Variants in GTF2F2 observed in about 807,000 individuals in gnomAD.
GTF2F2 encodes general transcription factor IIF subunit 2.
Under a neutral mutation model 42.2 loss-of-function variants are expected in GTF2F2, and 23 were observed. The ratio of observed to expected loss-of-function variants is 0.55; its 90% CI spans 0.39 to 0.77. The LOEUF is 0.77. Ranked by LOEUF, GTF2F2 falls within the 30% of genes least tolerant of loss-of-function variation. The pLI is 0.00. For synonymous variants in GTF2F2, 105 were observed against 100.8 expected (o/e 1.04, Z -0.25); for missense variants, 261 against 287.2 (o/e 0.91, Z 0.66).
intron 4 of GTF2F2, chr13:45,193,764 T>C (rs1593482891): frequency 6.5e-7 from 1 of 1,547,174 alleles, no homozygotes; most frequent in African/African-American, 1.4e-5. Flanking sequence ...GCATGCTTGT[T>C]GCCTTTGTTC....
chr13:45,173,807 T>C lies in GTF2F2; in HGVS notation c.304+21976T>C, dbSNP rs561239271. On this transcript the variant is annotated intron_variant, in intron 4 of 7. Coordinates refer to ENST00000340473, the MANE Select transcript of GTF2F2 (RefSeq NM_004128.3). ...TAATTTTTTGTATTTTTAGTAGAGA[T>C]GGGGTTTCACGGTGTTAGCCAGGAT... Among the ~76,000 whole-genome samples the C allele has an allele frequency of 1.6e-4, 25 of 151,758 alleles. No homozygotes were observed. In the South Asian group the frequency reaches 4.8e-3, roughly 29 times the overall value.
At chr13:45,274,939 C>G (rs2138273417) in intron 7 of GTF2F2, among the ~76,000 whole-genome samples, 1 of 151,866 alleles carries the variant, frequency 6.6e-6, no homozygotes, top group East Asian at 1.9e-4. Flanking sequence ...GTTCAGTGGA[C>G]TTTAGTATAT....
rs902147734 is a variant in GTF2F2, at chr13:45,199,247, T to C, written c.305-8177T>C. Among the ~76,000 whole-genome samples, 24 of 152,328 alleles carry C rather than the reference T, an allele frequency of 1.6e-4. No individual in the cohort carries two copies. The South Asian group carries it at 2.5e-3, about 16-fold the overall frequency. ...GGAAGCCCAGGAAAATTGCCTACAT[T>C]GGTAAATGTTTTAGCTTCATTTGAG... is the stretch of plus-strand genomic sequence containing the variant. On this transcript the variant is annotated intron_variant, in intron 4 of 7. Transcript: ENST00000340473.
intron 7 of GTF2F2, among the ~76,000 whole-genome samples, chr13:45,275,290 A>G (rs982303250): frequency 2.0e-5 from 3 of 152,118 alleles, no homozygotes; most frequent in African/African-American, 7.2e-5. Context: ...AGTTCTGGAT[A>G]TAAAATGGTG....
At chr13:45,241,581 G>A (rs1246711172) in intron 5 of GTF2F2, among the ~76,000 whole-genome samples, 1 of 139,696 alleles carries the variant, frequency 7.2e-6, no homozygotes, top group Non-Finnish European at 1.5e-5. Flanking sequence ...AATAGACACG[G>A]CTAGTGGCTA....
chr13:45,140,405 C>A (rs1419365911), intron 2 of GTF2F2, among the ~76,000 whole-genome samples: 1 of 152,140 alleles, frequency 6.6e-6, no homozygotes, highest in Non-Finnish European at 1.5e-5. Context: ...TTTTATTGGT[C>A]AGAAAACTCC....
rs149792718 is a variant in GTF2F2 at position 45,210,839 on chromosome 13, G to T, written c.386+3334G>T. Among the ~76,000 whole-genome samples the T allele has an allele frequency of 4.8e-3, 728 of 152,270 alleles. 6 individuals carry two copies. Among genetic ancestry groups the T allele is most frequent in the African/African-American group, 0.017 (689 of 41,548 alleles). ...TTTTAAGCTGGGTGGAATCTAAAGG[G>T]ATTTGTATTTTAGATAGATCATTCT... On this transcript the variant is annotated intron_variant, in intron 5 of 7. Coordinates refer to ENST00000340473, the MANE Select transcript of GTF2F2 (RefSeq NM_004128.3).
chr13:45,151,768 C>T lies in GTF2F2; in HGVS notation c.241C>T (p.His81Tyr), dbSNP rs750701407. Reference protein sequence around the residue: ...KPASVSAPREHPFVLQSVGGQ... With the variant: ...KPASVSAPREYPFVLQSVGGQ... The stretch of plus-strand genomic sequence containing the variant: ...AGCTTCAGTCAGTGCTCCTAGAGAA[C>T]ATCCATTTGTCTTGCAAAGTGTTGG... Residue 81 changes from histidine (H) to tyrosine (Y), a missense_variant, in exon 4 of 8, where the codon CAT becomes TAT. By Grantham distance (83) the His-to-Tyr change is moderately conservative. Coordinates refer to ENST00000340473, the MANE Select transcript of GTF2F2 (RefSeq NM_004128.3). 6.3e-7 allele frequency: 1 copy of T among 1,587,978 alleles called. No homozygotes were observed. Among genetic ancestry groups the T allele is most frequent in the Non-Finnish European group, 8.6e-7 (1 of 1,160,910 alleles).
intron 1 of GTF2F2, among the ~76,000 whole-genome samples, chr13:45,134,420 A>G (rs1189873592): frequency 1.3e-5 from 2 of 152,022 alleles, no homozygotes; most frequent in East Asian, 3.9e-4. Context: ...CTGAGTTAAC[A>G]TGGGGGAGGG....
intron 4 of GTF2F2, among the ~76,000 whole-genome samples, chr13:45,174,638 T>TC (rs1027111914): frequency 2.8e-4 from 41 of 144,192 alleles, no homozygotes; most frequent in African/African-American, 6.0e-4. Flanking sequence ...TTTTTTCTTT[T>TC]TTTTTTTTTT....
chr13:45,249,864 CACTT>C (rs1183213629), intron 5 of GTF2F2, among the ~76,000 whole-genome samples: 3 of 152,080 alleles, frequency 2.0e-5, no homozygotes, highest in African/African-American at 7.2e-5. Flanking sequence ...AACAGGCTGA[CACTT>C]ACTTGTGTTT....
intron 5 of GTF2F2, among the ~76,000 whole-genome samples, chr13:45,237,397 G>T (rs988309993): frequency 6.6e-6 from 1 of 152,096 alleles, no homozygotes; most frequent in African/African-American, 2.4e-5. Context: ...AATCCAATAT[G>T]TAAACTAAAT....
chr13:45,209,617 G>A (rs896223415), intron 5 of GTF2F2, among the ~76,000 whole-genome samples: 1 of 152,094 alleles, frequency 6.6e-6, no homozygotes, highest in African/African-American at 2.4e-5. Flanking sequence ...AGGGACCTGT[G>A]TGTGGTTCTG....
At chr13:45,281,884 A>G (rs951265991) in intron 7 of GTF2F2, among the ~76,000 whole-genome samples, 1 of 152,228 alleles carries the variant, frequency 6.6e-6, no homozygotes, top group African/African-American at 2.4e-5. Context: ...TTCTGCAACA[A>G]CAACAAAAGA....
chr13:45,197,517 A>G (rs939504376), intron 4 of GTF2F2, among the ~76,000 whole-genome samples: 29 of 151,254 alleles, frequency 1.9e-4, no homozygotes, highest in African/African-American at 6.3e-4. Context: ...TCCAAAAAAA[A>G]AAAAAAAAAG....
chr13:45,191,224 A>AATATAT (rs1165963910), intron 4 of GTF2F2, among the ~76,000 whole-genome samples: 1,006 of 75,260 alleles, frequency 0.013, 29 homozygotes, highest in South Asian at 0.023. Context: ...ACAAAAAAAA[A>AATATAT]ATATATATAT....
chr13:45,171,361 A>G (rs778739194), intron 4 of GTF2F2, among the ~76,000 whole-genome samples: 1 of 152,004 alleles, frequency 6.6e-6, no homozygotes, highest in Non-Finnish European at 1.5e-5. Flanking sequence ...GAGCTGCAGC[A>G]CCCAGCCTAA....
chr13:45,185,960 A>C (rs1315351179), intron 4 of GTF2F2, among the ~76,000 whole-genome samples: 1 of 151,856 alleles, frequency 6.6e-6, no homozygotes, highest in East Asian at 1.9e-4. Context: ...TGGTATCTTC[A>C]TTCATATTTT....
chr13:45,126,881 T>G (rs765129288), intron 1 of GTF2F2, among the ~76,000 whole-genome samples: 19 of 152,212 alleles, frequency 1.2e-4, no homozygotes, highest in Non-Finnish European at 2.5e-4. Context: ...TTATTTTCTG[T>G]CACTTTCTCT....
Sources: gnomAD v4.1 joint callset for allele counts (sites outside exome capture counted in the v4.1 genomes callset) on GRCh38, gnomAD v4.1.1 for gene constraint, MANE v1.5 for transcripts, NCBI Gene and HGNC (gene_info 2026-07-23, HGNC 2026-07-21) for gene names.